MYOM2: variants seen among roughly 807,000 people sequenced by gnomAD.
The protein encoded by MYOM2 is myomesin-2.
MYOM2 carries 254 observed loss-of-function variants against 187.6 expected under a neutral mutation model. The observed-to-expected ratio is 1.35, with a 90% CI of 1.22 to 1.50. The LOEUF (loss-of-function observed/expected upper bound fraction) is 1.50, where lower values mean the gene tolerates loss of function less well. Ranked by LOEUF, MYOM2 falls within the 40% of genes most tolerant of loss-of-function variation. The pLI is 0.00. For missense variants in MYOM2, 2,796 were observed against 1,924.0 expected (o/e 1.45, Z -8.48); for synonymous variants, 981 against 753.8 (o/e 1.30, Z -4.94).
chr8:2,124,515 T>C (rs572530930), intron 31 of MYOM2, among the ~76,000 whole-genome samples: 2 of 152,368 alleles, frequency 1.3e-5, no homozygotes, highest in African/African-American at 2.4e-5. Context: ...ATATAATTGC[T>C]ATGAGCAGCT....
intron 35 of MYOM2, 152 bp downstream of exon 35, chr8:2,142,549 G>T: frequency 3.8e-6 from 3 of 794,054 alleles, no homozygotes; most frequent in Non-Finnish European, 4.4e-6. Context: ...ACCCTGTCCT[G>T]GAGCCCCATG....
chr8:2,132,315 AT>A (rs148260038), intron 32 of MYOM2, among the ~76,000 whole-genome samples: 21,134 of 152,130 alleles, frequency 0.14, 2,566 homozygotes, highest in African/African-American at 0.31. Flanking sequence ...AGCAAAGACA[AT>A]TGTTCTTTAG....
chr8:2,046,530 G>A (rs543922703), intron 1 of MYOM2, among the ~76,000 whole-genome samples: 10 of 151,966 alleles, frequency 6.6e-5, no homozygotes, highest in South Asian at 6.2e-4. Flanking sequence ...ACAGCGTGGC[G>A]CCAGGATTAT....
intron 6 of MYOM2, among the ~76,000 whole-genome samples, chr8:2,060,331 C>G (rs554984607): frequency 5.3e-5 from 8 of 152,208 alleles, no homozygotes; most frequent in African/African-American, 1.7e-4. Flanking sequence ...TATCAAGAGA[C>G]AGATAGTAAC....
chr8:2,049,365 A>G (rs978065558), intron 1 of MYOM2, among the ~76,000 whole-genome samples: 5 of 151,990 alleles, frequency 3.3e-5, no homozygotes, highest in African/African-American at 1.2e-4. Flanking sequence ...GTAGAATAGG[A>G]GTTTGGGTAA....
Position 2,109,394 on chromosome 8 carries a change from G to A in MYOM2, c.3044-1G>A, listed in dbSNP as rs2116812831. The A allele has an allele frequency of 6.2e-7, 1 of 1,601,280 alleles. No individual in the cohort carries two copies. Among genetic ancestry groups the A allele is most frequent in the East Asian group, 2.3e-5 (1 of 44,270 alleles). Reference sequence around the variant, plus strand: ...ACTTGCGATTTCTTTTCTTCCTGTAGCAATTCCTCTGAAATCGGAATTAGC... The same window carrying A: ...ACTTGCGATTTCTTTTCTTCCTGTAACAATTCCTCTGAAATCGGAATTAGC... On this transcript the variant is annotated splice_acceptor_variant, in intron 24 of 36. Coordinates refer to ENST00000262113, the MANE Select transcript of MYOM2 (RefSeq NM_003970.4). LOFTEE classifies it high-confidence loss of function.
At chr8:2,075,774 T>C (rs1388025133) in intron 10 of MYOM2, among the ~76,000 whole-genome samples, 1 of 152,214 alleles carries the variant, frequency 6.6e-6, no homozygotes, top group Non-Finnish European at 1.5e-5. Flanking sequence ...CAGGTGATAT[T>C]TCTCAGGTGT....
intron 17 of MYOM2, 55 bp downstream of exon 17, chr8:2,094,146 G>A: frequency 6.3e-7 from 1 of 1,591,912 alleles, no homozygotes; most frequent in Non-Finnish European, 8.6e-7. Context: ...TGTCATTTCT[G>A]CATGAATAAA....
chr8:2,111,893 G>A (rs967809411), intron 25 of MYOM2, among the ~76,000 whole-genome samples: 3 of 152,164 alleles, frequency 2.0e-5, no homozygotes, highest in Non-Finnish European at 4.4e-5. Flanking sequence ...ACAAGTATAC[G>A]CTGTGTGATC....
At chr8:2,108,720 G>C (rs1796971738) in intron 23 of MYOM2, 66 bp from the exon 24 acceptor site, 2 of 1,507,164 alleles carry the variant, frequency 1.3e-6, no homozygotes, top group Admixed American at 1.7e-5. Context: ...GTGTCGCCTT[G>C]CTGTTGTCTA....
At chr8:2,085,463 C>T (rs543820642) in intron 14 of MYOM2, 73 bp downstream of exon 14, 3 of 1,532,770 alleles carry the variant, frequency 2.0e-6, no homozygotes, top group Non-Finnish European at 2.6e-6. Context: ...TCTGCGTGGC[C>T]CACCGCTGTC....
Position 2,059,251 on chromosome 8 carries a change from G to A in MYOM2, c.653+6G>A. The A allele has an allele frequency of 6.2e-7, 1 of 1,613,158 alleles. No homozygotes were observed. The highest frequency in any genetic ancestry group is 8.5e-7 in the Non-Finnish European group (1 of 1,179,258). ...CACACACTGGAGATCAACAGGTATG[G>A]CTGTGGTGGGGGCTCTGGACGCTGG... On this transcript the variant is annotated splice_donor_region_variant and intron_variant, in intron 6 of 36. Coordinates refer to ENST00000262113, the MANE Select transcript of MYOM2 (RefSeq NM_003970.4).
intron 18 of MYOM2, among the ~76,000 whole-genome samples, chr8:2,097,577 C>G (rs1447904593): frequency 1.3e-5 from 2 of 152,246 alleles, no homozygotes; most frequent in South Asian, 4.1e-4. Context: ...TGCAGTGGCA[C>G]GATCTCGGCT....
intron 31 of MYOM2, chr8:2,127,739 C>G (rs1400055231): frequency 1.4e-5 from 2 of 141,734 alleles, no homozygotes; most frequent in African/African-American, 5.5e-5. Context: ...CAGGCAGTAC[C>G]TCGGCGTGAC....
At chr8:2,092,127 G>A (rs962519604) in intron 15 of MYOM2, among the ~76,000 whole-genome samples, 4 of 152,100 alleles carry the variant, frequency 2.6e-5, no homozygotes, top group African/African-American at 9.7e-5. Flanking sequence ...TCTAGGAGTT[G>A]TGTGGAGCTT....
At chr8:2,074,018 C>T (rs1230864361) in intron 10 of MYOM2, among the ~76,000 whole-genome samples, 1 of 152,212 alleles carries the variant, frequency 6.6e-6, no homozygotes, top group Non-Finnish European at 1.5e-5. Context: ...GCCATGACAG[C>T]TGTCATCACC....
rs573465741 is a variant in MYOM2 at position 2,144,358 on chromosome 8, G to A, written c.4081-306G>A. On this transcript the variant is annotated intron_variant, in intron 36 of 36. Coordinates refer to ENST00000262113, the MANE Select transcript of MYOM2 (RefSeq NM_003970.4). ...CTGGATATATCTACTATAAAACATA[G>A]AGCTTAATTAAATTACTTTCAAATT... is the stretch of plus-strand genomic sequence containing the variant. 3.9e-5 allele frequency among the ~76,000 whole-genome samples: 6 copies of A among 152,290 alleles called. No homozygotes were observed. In the East Asian group the frequency reaches 1.2e-3, roughly 29 times the overall value.
chr8:2,087,110 A>T (rs1309946587), intron 14 of MYOM2, among the ~76,000 whole-genome samples: 1 of 152,200 alleles, frequency 6.6e-6, no homozygotes, highest in Non-Finnish European at 1.5e-5. Context: ...GTGACCCACT[A>T]ATCTGACTTG....
rs764175191 is a variant in MYOM2, at chr8:2,078,519, AATAG to A, written c.1263-211_1263-208del. ...ATTCATGGGCATATATTACATATATAATAGATATTACATATAATATATATATTGC... is the reference window on the plus strand; with the variant it reads ...ATTCATGGGCATATATTACATATATAATATTACATATAATATATATATTGC... On this transcript the variant is annotated intron_variant, in intron 11 of 36. Transcript: ENST00000262113. Among the ~76,000 whole-genome samples, 28 of 152,220 alleles carry A rather than the reference AATAG, an allele frequency of 1.8e-4. No homozygotes were observed. In the South Asian group the frequency reaches 3.5e-3, roughly 19 times the overall value.
Sources: gnomAD v4.1 joint callset for allele counts (sites outside exome capture counted in the v4.1 genomes callset) on GRCh38, gnomAD v4.1.1 for gene constraint, MANE v1.5 for transcripts, NCBI Gene and HGNC (gene_info 2026-07-23, HGNC 2026-07-21) for gene names.